PLCB1: variants seen among roughly 807,000 people sequenced by gnomAD.
The protein encoded by PLCB1 is 1-phosphatidylinositol 4,5-bisphosphate phosphodiesterase beta-1.
In PLCB1, 46 loss-of-function variants were observed where a neutral mutation model predicts 161.8. The observed-to-expected ratio is 0.28, with a 90% CI of 0.22 to 0.36. PLCB1 has a LOEUF of 0.36. Among genes scored for constraint, PLCB1 ranks in the 10% least tolerant of loss-of-function variants. PLCB1 has a pLI of 1.00. For missense variants in PLCB1, 1,016 were observed against 1,472.5 expected (o/e 0.69, Z 5.07); for synonymous variants, 517 against 503.7 (o/e 1.03, Z -0.35).
intron 11 of PLCB1, among the ~76,000 whole-genome samples, chr20:8,703,125 T>G (rs1161539345): frequency 6.6e-6 from 1 of 152,144 alleles, no homozygotes; most frequent in Non-Finnish European, 1.5e-5. Context: ...ATTTAGTCAC[T>G]GCAAGACCTT....
intron 3 of PLCB1, among the ~76,000 whole-genome samples, chr20:8,504,975 T>G (rs1437379887): frequency 6.6e-6 from 1 of 152,182 alleles, no homozygotes; most frequent in Non-Finnish European, 1.5e-5. Context: ...CAAGTAATCC[T>G]TCTACCTCAA....
chr20:8,424,376 T>C (rs1408855453), intron 3 of PLCB1, among the ~76,000 whole-genome samples: 1 of 152,246 alleles, frequency 6.6e-6, no homozygotes, highest in African/African-American at 2.4e-5. Context: ...TTGGTTACAC[T>C]ATAAGCATGT....
intron 23 of PLCB1, chr20:8,750,876 AC>A (rs778189289): frequency 3.7e-6 from 5 of 1,362,718 alleles, no homozygotes; most frequent in Non-Finnish European, 4.9e-6. Context: ...CTTACCTCTT[AC>A]CCATGTGGTG....
At chr20:8,839,825 G>T (rs1380621035) in intron 31 of PLCB1, among the ~76,000 whole-genome samples, 1 of 151,702 alleles carries the variant, frequency 6.6e-6, no homozygotes, top group African/African-American at 2.4e-5. Context: ...CAGGTCAGGA[G>T]TTTGAGACCA....
At chr20:8,134,006 C>T (rs896852886) in intron 1 of PLCB1, among the ~76,000 whole-genome samples, 3 of 152,290 alleles carry the variant, frequency 2.0e-5, no homozygotes, top group Middle Eastern at 3.4e-3. Flanking sequence ...CAGCTGGAAG[C>T]GCAAACGGAA....
chr20:8,394,347 A>G (rs996475090), intron 3 of PLCB1, among the ~76,000 whole-genome samples: 1 of 152,206 alleles, frequency 6.6e-6, no homozygotes, highest in Non-Finnish European at 1.5e-5. Flanking sequence ...GAACTTACTT[A>G]GGGAGCAATA....
At chr20:8,292,865 A>G (rs1056189780) in intron 2 of PLCB1, among the ~76,000 whole-genome samples, 3 of 151,964 alleles carry the variant, frequency 2.0e-5, no homozygotes, top group African/African-American at 7.2e-5. Flanking sequence ...CATATGTAAA[A>G]CTCCTTGGAC....
chr20:8,338,908 T>C (rs1006646087), intron 2 of PLCB1, among the ~76,000 whole-genome samples: 1 of 152,216 alleles, frequency 6.6e-6, no homozygotes, highest in African/African-American at 2.4e-5. Context: ...TCACATGGTG[T>C]GTTTTTGTGT....
At chr20:8,730,657 A>T (rs1235115113) in intron 18 of PLCB1, among the ~76,000 whole-genome samples, 1 of 151,752 alleles carries the variant, frequency 6.6e-6, no homozygotes, top group Non-Finnish European at 1.5e-5. Flanking sequence ...TTAAAATCAT[A>T]TTAACTTTAT....
At chr20:8,745,825 A>AT in intron 23 of PLCB1, among the ~76,000 whole-genome samples, 1 of 152,350 alleles carries the variant, frequency 6.6e-6, no homozygotes, top group African/African-American at 2.4e-5. Context: ...GTAGAAAAAT[A>AT]TAAAAACATA....
chr20:8,795,084 A>G (rs6140720), intron 31 of PLCB1, among the ~76,000 whole-genome samples: 48,055 of 152,118 alleles, frequency 0.32, 8,264 homozygotes, highest in East Asian at 0.52. Flanking sequence ...TCAATTCTGC[A>G]TGTGAGCTGG....
intron 3 of PLCB1, among the ~76,000 whole-genome samples, chr20:8,589,518 C>G (rs1987084885): frequency 6.6e-6 from 1 of 151,936 alleles, no homozygotes; most frequent in Non-Finnish European, 1.5e-5. Context: ...CTGATGAGAG[C>G]CCACTTCCTG....
intron 3 of PLCB1, among the ~76,000 whole-genome samples, chr20:8,382,628 G>A (rs1987294631): frequency 7.0e-6 from 1 of 142,458 alleles, no homozygotes; most frequent in South Asian, 2.3e-4. Context: ...GTTCACTCTT[G>A]TGCTCCACCT....
intron 3 of PLCB1, chr20:8,625,259 TC>T (rs1292955044): frequency 1.3e-5 from 2 of 152,138 alleles, no homozygotes. Flanking sequence ...GTCCAGACAA[TC>T]CCCTCTTTGT....
chr20:8,628,131 TC>T (rs1988414518), intron 3 of PLCB1, among the ~76,000 whole-genome samples, 162 bp from the exon 4 acceptor site: 1 of 152,200 alleles, frequency 6.6e-6, no homozygotes, highest in Non-Finnish European at 1.5e-5. Flanking sequence ...GCTTCATCTC[TC>T]TAGGCCATTT....
At chr20:8,353,334 GAATA>G (rs1986245889) in intron 2 of PLCB1, among the ~76,000 whole-genome samples, 2 of 152,222 alleles carry the variant, frequency 1.3e-5, no homozygotes, top group East Asian at 3.9e-4. Flanking sequence ...GTCATTGAAT[GAATA>G]AATAATTGGG....
chr20:8,523,695 C>G lies in PLCB1; in HGVS notation c.247-104599C>G, dbSNP rs1413189455. ...ACATCAGTTGGGTTACTGAACAACA[C>G]TTTTAAACCCACTAAAAGGGGACAA... On this transcript the variant is annotated intron_variant, in intron 3 of 31. Coordinates refer to ENST00000338037, the MANE Select transcript of PLCB1 (RefSeq NM_015192.4). Among the ~76,000 whole-genome samples the G allele has an allele frequency of 3.3e-5, 5 of 151,120 alleles. No homozygotes were observed. In the Admixed American group the frequency reaches 3.3e-4, roughly 10 times the overall value.
chr20:8,435,624 T>A (rs1471142358), intron 3 of PLCB1, among the ~76,000 whole-genome samples: 2 of 152,106 alleles, frequency 1.3e-5, no homozygotes, highest in Non-Finnish European at 2.9e-5. Flanking sequence ...GCCAGAGCCC[T>A]CAGTCACAGA....
intron 3 of PLCB1, among the ~76,000 whole-genome samples, chr20:8,566,220 GAA>G (rs933554528): frequency 1.4e-4 from 22 of 152,134 alleles, no homozygotes; most frequent in African/African-American, 5.3e-4. Context: ...TACTTCAGAT[GAA>G]AATTGTGCCT....
Sources: gnomAD v4.1 joint callset for allele counts (sites outside exome capture counted in the v4.1 genomes callset) on GRCh38, gnomAD v4.1.1 for gene constraint, MANE v1.5 for transcripts, NCBI Gene and HGNC (gene_info 2026-07-23, HGNC 2026-07-21) for gene names.